The following GASK1A variants were observed in gnomAD, a reference collection of about 807,000 sequenced individuals.
GASK1A encodes golgi associated kinase 1A, also known as Golgi-associated kinase 1A.
Under a neutral mutation model 41.2 loss-of-function variants are expected in GASK1A, and 40 were observed. The observed-to-expected ratio is 0.97, with a 90% CI of 0.75 to 1.27. GASK1A has a LOEUF of 1.27. GASK1A is among the 50% of genes most tolerant of loss of function. GASK1A has a pLI of 0.00. For synonymous variants in GASK1A, 316 were observed against 307.1 expected (o/e 1.03, Z -0.30); for missense variants, 678 against 745.1 (o/e 0.91, Z 1.05).
chr3:43,016,433 G>A (rs940890242), intron 1 of GASK1A, among the ~76,000 whole-genome samples: 1 of 151,656 alleles, frequency 6.6e-6, no homozygotes, highest in Non-Finnish European at 1.5e-5. Context: ...GGAGCAGTGT[G>A]ACATGACAGG....
chr3:43,009,211 A>G (rs944161030), intron 1 of GASK1A, among the ~76,000 whole-genome samples: 3 of 152,188 alleles, frequency 2.0e-5, no homozygotes, highest in African/African-American at 7.2e-5. Flanking sequence ...TGTATCCTTC[A>G]GCGCATCCTT....
At chr3:43,008,905 A>G (rs2089449264) in intron 1 of GASK1A, among the ~76,000 whole-genome samples, 1 of 152,228 alleles carries the variant, frequency 6.6e-6, no homozygotes, top group Non-Finnish European at 1.5e-5. Context: ...CAGCCCATCC[A>G]CAGATGGAGA....
chr3:43,055,608 T>C (rs2089712320), intron 4 of GASK1A, 73 bp downstream of exon 4: 1 of 1,096,924 alleles, frequency 9.1e-7, no homozygotes, highest in South Asian at 1.4e-5. Context: ...CCTTGGGACC[T>C]TCAACTGTGG....
intron 1 of GASK1A, among the ~76,000 whole-genome samples, chr3:43,013,035 G>A (rs905170020): frequency 1.3e-5 from 2 of 148,718 alleles, no homozygotes; most frequent in Non-Finnish European, 3.0e-5. Context: ...GGGAAATCAC[G>A]GGAATGAGCT....
intron 1 of GASK1A, among the ~76,000 whole-genome samples, chr3:42,989,147 C>T (rs556292716): frequency 4.6e-5 from 7 of 152,168 alleles, no homozygotes; most frequent in Admixed American, 1.3e-4. Context: ...GAATGAACTG[C>T]AGCCCAGGGA....
intron 1 of GASK1A, among the ~76,000 whole-genome samples, chr3:43,006,958 C>A (rs1020843831): frequency 6.6e-6 from 1 of 151,766 alleles, no homozygotes; most frequent in Admixed American, 6.6e-5. Flanking sequence ...ATAAGTTTCC[C>A]TATACTTCCG....
intron 1 of GASK1A, among the ~76,000 whole-genome samples, chr3:43,022,485 T>C (rs372292235): frequency 6.9e-6 from 1 of 145,916 alleles, no homozygotes; most frequent in Non-Finnish European, 1.6e-5. Flanking sequence ...CATTTTTCAT[T>C]GTAGAAGAAA....
chr3:43,031,463 C>T (rs914790878), intron 1 of GASK1A, among the ~76,000 whole-genome samples: 1 of 152,196 alleles, frequency 6.6e-6, no homozygotes, highest in African/African-American at 2.4e-5. Flanking sequence ...TCTGACAAGT[C>T]CCCAGGTGAT....
At chr3:43,040,872 T>TCCCC (rs1389325169) in intron 2 of GASK1A, among the ~76,000 whole-genome samples, 7 of 54,126 alleles carry the variant, frequency 1.3e-4, no homozygotes, top group South Asian at 9.1e-4. Context: ...CCCAATGCTA[T>TCCCC]CCCTCCCCCC....
intron 1 of GASK1A, among the ~76,000 whole-genome samples, chr3:42,985,664 G>C (rs2089305422): frequency 6.6e-6 from 1 of 151,374 alleles, no homozygotes; most frequent in Non-Finnish European, 1.5e-5. Context: ...CAGCCCTGTG[G>C]GCCAAATATT....
At chr3:42,992,436 A>G (rs1237394399) in intron 1 of GASK1A, among the ~76,000 whole-genome samples, 2 of 152,216 alleles carry the variant, frequency 1.3e-5, no homozygotes, top group African/African-American at 4.8e-5. Flanking sequence ...AACAGTCAGC[A>G]CATAGTCAGT....
At chr3:43,022,459 T>C (rs1410664094) in intron 1 of GASK1A, among the ~76,000 whole-genome samples, 1 of 151,562 alleles carries the variant, frequency 6.6e-6, no homozygotes, top group Non-Finnish European at 1.5e-5. Context: ...TGAGAATACA[T>C]ATTAGGAATT....
intron 1 of GASK1A, among the ~76,000 whole-genome samples, chr3:43,014,937 G>T (rs1423842096): frequency 3.3e-5 from 5 of 151,948 alleles, no homozygotes; most frequent in Admixed American, 6.5e-5. Flanking sequence ...TGAAGCTACT[G>T]GAAGGGGCTT....
At chr3:43,037,507 C>T (rs1363549875) in intron 2 of GASK1A, 3 of 476,296 alleles carry the variant, frequency 6.3e-6, no homozygotes, top group East Asian at 6.2e-5. Flanking sequence ...TTAGGAATAT[C>T]TGGAGAGAAA....
chr3:43,020,684 G>A (rs2089516783), intron 1 of GASK1A, among the ~76,000 whole-genome samples: 1 of 152,214 alleles, frequency 6.6e-6, no homozygotes, highest in Admixed American at 6.5e-5. Context: ...ATAGGAGTTG[G>A]GTAGGCTGGG....
chr3:43,044,675 A>G (rs565844681), intron 2 of GASK1A, among the ~76,000 whole-genome samples: 4 of 152,348 alleles, frequency 2.6e-5, no homozygotes, highest in South Asian at 2.1e-4. Flanking sequence ...GTGGCCCACA[A>G]TGCAGCCAAA....
intron 1 of GASK1A, among the ~76,000 whole-genome samples, chr3:42,981,038 T>C (rs2089280515): frequency 6.6e-6 from 1 of 152,144 alleles, no homozygotes; most frequent in Non-Finnish European, 1.5e-5. Context: ...GGAGGAGAGA[T>C]GGTACCTGCC....
chr3:42,994,284 G>A (rs1487548146), intron 1 of GASK1A, among the ~76,000 whole-genome samples: 1 of 152,180 alleles, frequency 6.6e-6, no homozygotes, highest in Non-Finnish European at 1.5e-5. Context: ...GGCCCTGGGA[G>A]GGAACTAGGT....
chr3:42,985,668 A>G (rs1035384946), intron 1 of GASK1A, among the ~76,000 whole-genome samples: 10 of 151,814 alleles, frequency 6.6e-5, no homozygotes, highest in South Asian at 2.1e-4. Context: ...CCTGTGGGCC[A>G]AATATTCTGC....
Sources: gnomAD v4.1 joint callset for allele counts (sites outside exome capture counted in the v4.1 genomes callset) on GRCh38, gnomAD v4.1.1 for gene constraint, MANE v1.5 for transcripts, NCBI Gene and HGNC (gene_info 2026-07-23, HGNC 2026-07-21) for gene names.